Variants in RGPD2 observed in about 807,000 individuals in gnomAD.
The protein encoded by RGPD2 is RANBP2 like and GRIP domain containing 2, also known as RANBP2-like and GRIP domain-containing protein 2.
In RGPD2, 2 loss-of-function variants were observed where a neutral mutation model predicts 36.0. The ratio of observed to expected loss-of-function variants is 0.06; its 90% CI spans 0.02 to 0.17. The LOEUF (loss-of-function observed/expected upper bound fraction) is 0.17. Among genes scored for constraint, RGPD2 ranks in the 10% least tolerant of loss-of-function variants. The pLI is 1.00. For missense variants in RGPD2, 40 were observed against 464.3 expected (o/e 0.09, Z 8.40); for synonymous variants, 19 against 163.8 (o/e 0.12, Z 6.75).
At chr2:87,887,273 T>A in the RGPD2 span, among the ~76,000 whole-genome samples, 1 of 151,746 alleles carries the variant, frequency 6.6e-6, no homozygotes, top group African/African-American at 2.4e-5. Context: ...AGTCTATATC[T>A]TATTGATCGA....
At chr2:87,964,926 C>T in the RGPD2 span, among the ~76,000 whole-genome samples, 11 of 151,442 alleles carry the variant, frequency 7.3e-5, no homozygotes, top group Admixed American at 6.6e-4. Flanking sequence ...TTACCCTCAA[C>T]CTAAATAGCA....
At chr2:87,878,033 C>T in the RGPD2 span, among the ~76,000 whole-genome samples, 1 of 151,634 alleles carries the variant, frequency 6.6e-6, no homozygotes, top group Non-Finnish European at 1.5e-5. Context: ...GAGTATCTTA[C>T]TGGGGTTCTC....
At chr2:87,818,020 T>TAA (rs1175812254) in intron 2 of RGPD2, among the ~76,000 whole-genome samples, 1,296 of 65,300 alleles carry the variant, frequency 0.02, 20 homozygotes, top group East Asian at 0.046. Context: ...AGATACTGAC[T>TAA]AAAAAAAAAA....
At chr2:87,853,622 A>T in the RGPD2 span, among the ~76,000 whole-genome samples, 1 of 150,848 alleles carries the variant, frequency 6.6e-6, no homozygotes, top group African/African-American at 2.4e-5. Flanking sequence ...ATACATTCTC[A>T]TTTGTTCTAT....
At chr2:87,759,001 C>T (rs1173102331) in intron 22 of RGPD2, among the ~76,000 whole-genome samples, 1 of 144,706 alleles carries the variant, frequency 6.9e-6, no homozygotes, top group Non-Finnish European at 1.5e-5. Context: ...TTGCTCAGAT[C>T]CCAGAATTAA....
chr2:87,935,278 G>A, the RGPD2 span, among the ~76,000 whole-genome samples: 1 of 149,290 alleles, frequency 6.7e-6, no homozygotes, highest in Non-Finnish European at 1.5e-5. Context: ...TATCTTTCCG[G>A]TATTTCTAGA....
intron 22 of RGPD2, among the ~76,000 whole-genome samples, chr2:87,769,661 GATA>G (rs1202564341): frequency 6.6e-5 from 10 of 151,958 alleles, no homozygotes; most frequent in African/African-American, 2.2e-4. Flanking sequence ...AGTATTTTGA[GATA>G]ATATCATTGT....
At chr2:87,932,235 G>T in the RGPD2 span, among the ~76,000 whole-genome samples, 1 of 92,240 alleles carries the variant, frequency 1.1e-5, no homozygotes, top group South Asian at 3.2e-4. Context: ...TTGGTTTTAT[G>T]TCTGTTTTGT....
chr2:87,922,231 T>C, the RGPD2 span, among the ~76,000 whole-genome samples: 1 of 146,966 alleles, frequency 6.8e-6, no homozygotes, highest in African/African-American at 2.6e-5. Context: ...AGGCGGAGGT[T>C]TCAGTGAACC....
intron 22 of RGPD2, among the ~76,000 whole-genome samples, chr2:87,762,468 G>C (rs1285620016): frequency 1.7e-4 from 22 of 132,340 alleles, no homozygotes; most frequent in East Asian, 1.1e-3. Flanking sequence ...TTGAACCTCG[G>C]AAGTGGAGGT....
chr2:87,939,898 T>G, the RGPD2 span, among the ~76,000 whole-genome samples: 1 of 151,728 alleles, frequency 6.6e-6, no homozygotes, highest in Non-Finnish European at 1.5e-5. Flanking sequence ...ACCAAATGAG[T>G]TAGGGAAACT....
chr2:87,983,463 T>C, the RGPD2 span, among the ~76,000 whole-genome samples: 1 of 120,278 alleles, frequency 8.3e-6, no homozygotes, highest in African/African-American at 3.1e-5. Flanking sequence ...AAAATGGCAT[T>C]CACTCAACAA....
the RGPD2 span, among the ~76,000 whole-genome samples, chr2:87,832,321 T>C: frequency 3.7e-4 from 56 of 150,736 alleles, no homozygotes; most frequent in South Asian, 0.011. Flanking sequence ...TAAATGTACA[T>C]GTACTAAACA....
At chr2:87,882,937 T>C in the RGPD2 span, among the ~76,000 whole-genome samples, 6 of 151,754 alleles carry the variant, frequency 4.0e-5, no homozygotes, top group Non-Finnish European at 7.4e-5. Context: ...GGTATTTTAT[T>C]TTGTAGCTTA....
At chr2:87,856,691 T>A in the RGPD2 span, among the ~76,000 whole-genome samples, 1 of 152,240 alleles carries the variant, frequency 6.6e-6, no homozygotes, top group South Asian at 2.1e-4. Context: ...GGAAAACTGA[T>A]CAATTTTCTA....
chr2:87,945,100 A>G, the RGPD2 span, among the ~76,000 whole-genome samples: 7 of 152,196 alleles, frequency 4.6e-5, no homozygotes, highest in Non-Finnish European at 8.8e-5. Context: ...AAAAATGAAA[A>G]AGATATTCAA....
At position 87,825,676 on chromosome 2, in the gene RGPD2, G is replaced by A. The variant is rs1331938077; in HGVS notation, c.54C>T (p.Ser18=). The A allele has an allele frequency of 6.3e-6, 10 of 1,593,488 alleles. No homozygotes were observed. The highest frequency in any genetic ancestry group is 8.5e-6 in the Non-Finnish European group (10 of 1,171,088). The change falls in exon 1 of 23, where the codon TCC becomes TCT. Residue 18 remains serine, a synonymous_variant. Coordinates refer to ENST00000398146, the MANE Select transcript of RGPD2 (RefSeq NM_001078170.3). Reference sequence around the variant, plus strand: ...CACTCACCTTTCCAGGCGACGGGGCGGAGCCCTGCACCGAGGCGAGGTACC... The same window carrying A: ...CACTCACCTTTCCAGGCGACGGGGCAGAGCCCTGCACCGAGGCGAGGTACC... ...GERYLASVQG[S]APSPGKKLRG...
the RGPD2 span, among the ~76,000 whole-genome samples, chr2:87,937,768 G>T: frequency 1.3e-5 from 2 of 151,926 alleles, no homozygotes; most frequent in Non-Finnish European, 2.9e-5. Context: ...GTTAGCAAAG[G>T]AAATGTGAAA....
the RGPD2 span, among the ~76,000 whole-genome samples, chr2:87,905,345 G>A: frequency 1.1e-4 from 17 of 152,356 alleles, no homozygotes; most frequent in South Asian, 2.7e-3. Context: ...AGAGAATATG[G>A]CAGGCCTACT....
Sources: gnomAD v4.1 joint callset for allele counts (sites outside exome capture counted in the v4.1 genomes callset) on GRCh38, gnomAD v4.1.1 for gene constraint, MANE v1.5 for transcripts, NCBI Gene and HGNC (gene_info 2026-07-23, HGNC 2026-07-21) for gene names.